HIP1: variants seen among roughly 807,000 people sequenced by gnomAD.
HIP1 encodes huntingtin-interacting protein 1.
Under a neutral mutation model 147.6 loss-of-function variants are expected in HIP1, and 65 were observed. That is an observed-to-expected ratio of 0.44 (90% CI 0.36 to 0.54). The LOEUF is 0.54. Among genes scored for constraint, HIP1 ranks in the 20% least tolerant of loss-of-function variants. The probability of loss-of-function intolerance (pLI) is 0.00; values close to 1 mark genes in which losing one functional copy is unlikely to be tolerated. For missense variants in HIP1, 1,061 were observed against 1,299.6 expected (o/e 0.82, Z 2.82); for synonymous variants, 479 against 504.0 (o/e 0.95, Z 0.67).
intron 1 of HIP1, among the ~76,000 whole-genome samples, chr7:75,646,244 T>C (rs976602165): frequency 3.3e-5 from 5 of 152,074 alleles, no homozygotes; most frequent in Non-Finnish European, 5.9e-5. Flanking sequence ...CACGCCCGGC[T>C]AATTTTGTGT....
intron 25 of HIP1, among the ~76,000 whole-genome samples, chr7:75,545,742 G>C (rs1554490883): frequency 6.6e-6 from 1 of 151,858 alleles, no homozygotes; most frequent in Admixed American, 6.6e-5. Flanking sequence ...TCAAGAGATT[G>C]AGACCATCCT....
chr7:75,733,089 C>T (rs538818407), intron 1 of HIP1, among the ~76,000 whole-genome samples: 129 of 152,298 alleles, frequency 8.5e-4, no homozygotes, highest in African/African-American at 3.0e-3. Flanking sequence ...TAAGTAAAAA[C>T]AGACTATTTT....
chr7:75,566,502 T>G (rs782565869), intron 9 of HIP1, among the ~76,000 whole-genome samples: 1 of 151,488 alleles, frequency 6.6e-6, no homozygotes, highest in Non-Finnish European at 1.5e-5. Context: ...AAAAAAGTGG[T>G]AAATTCCAGA....
intron 12 of HIP1, 27 bp downstream of exon 12, chr7:75,562,046 A>G: frequency 7.2e-7 from 1 of 1,391,004 alleles, no homozygotes; most frequent in Non-Finnish European, 1.0e-6. Context: ...CTCCTGAACC[A>G]TCTGCTTGAA....
At chr7:75,558,393 G>A (rs1584795599) in intron 14 of HIP1, 138 bp from the exon 15 acceptor site, 1 of 700,716 alleles carries the variant, frequency 1.4e-6, no homozygotes, top group East Asian at 2.6e-5. Context: ...CTGGGGTGCA[G>A]TGGCACAATC....
chr7:75,702,128 T>A (rs1800852589), intron 1 of HIP1, among the ~76,000 whole-genome samples: 1 of 151,206 alleles, frequency 6.6e-6, no homozygotes. Flanking sequence ...TTTTTTTTTT[T>A]GAGATGGAGT....
At chr7:75,595,214 T>C (rs1796654348) in intron 2 of HIP1, among the ~76,000 whole-genome samples, 1 of 83,106 alleles carries the variant, frequency 1.2e-5, no homozygotes, top group Non-Finnish European at 2.2e-5. Context: ...CTTTCTTTCT[T>C]TCTTTCTTTC....
chr7:75,673,828 A>AAAAAAAAC, intron 1 of HIP1, among the ~76,000 whole-genome samples: 1 of 150,144 alleles, frequency 6.7e-6, no homozygotes. Flanking sequence ...TACAAAAAAA[A>AAAAAAAAC]AAAAAAAATT....
At chr7:75,593,247 G>A (rs1482030602) in intron 2 of HIP1, among the ~76,000 whole-genome samples, 1 of 152,166 alleles carries the variant, frequency 6.6e-6, no homozygotes, top group Non-Finnish European at 1.5e-5. Context: ...GGGGTTACAG[G>A]CATGAACCAC....
Position 75,649,074 on chromosome 7 carries a change from G to T in HIP1, c.121-49827C>A, listed in dbSNP as rs532124214. ...AGTTTTGCTCTTGTTACCCAGGCTG[G>T]AGTGCAATGGCATGATTCCGGCTCA... On this transcript the variant is annotated intron_variant, in intron 1 of 30. Transcript: ENST00000336926. Among the ~76,000 whole-genome samples the T allele has an allele frequency of 2.3e-4, 35 of 152,140 alleles. 1 individual carries two copies. The South Asian group carries it at 6.9e-3, about 30-fold the overall frequency.
intron 1 of HIP1, among the ~76,000 whole-genome samples, chr7:75,685,660 T>C (rs1469725280): frequency 6.6e-6 from 1 of 152,230 alleles, no homozygotes; most frequent in African/African-American, 2.4e-5. Context: ...GCAATTCTCC[T>C]GCCTCAGCCT....
intron 1 of HIP1, among the ~76,000 whole-genome samples, chr7:75,671,595 G>A (rs1212399924): frequency 6.6e-6 from 1 of 152,116 alleles, no homozygotes. Flanking sequence ...TGGAATTGCT[G>A]GATCATATGG....
At chr7:75,671,313 C>T (rs1375007162) in intron 1 of HIP1, among the ~76,000 whole-genome samples, 3 of 152,086 alleles carry the variant, frequency 2.0e-5, no homozygotes, top group South Asian at 4.1e-4. Flanking sequence ...AGGCTGGTCT[C>T]AAACTCCTGA....
At chr7:75,633,157 A>G (rs34417990) in intron 1 of HIP1, among the ~76,000 whole-genome samples, 17,676 of 150,594 alleles carry the variant, frequency 0.12, 1,518 homozygotes, top group African/African-American at 0.24. Flanking sequence ...AAAGTTGAAG[A>G]AAAAAAAAAT....
chr7:75,544,577 G>A, intron 27 of HIP1, 118 bp downstream of exon 27: 2 of 709,084 alleles, frequency 2.8e-6, no homozygotes, highest in Non-Finnish European at 5.2e-6. Context: ...CATCTAACCT[G>A]GCCAAGTACT....
chr7:75,722,956 A>G lies in HIP1; in HGVS notation c.120+15845T>C, dbSNP rs1801542839. ...CACGACAAGCACCAATGAAACGACA[A>G]GTATTCCTGTAGGTCTGAAAGGGTG... On this transcript the variant is annotated intron_variant, in intron 1 of 30. Transcript: ENST00000336926. 1.3e-5 allele frequency among the ~76,000 whole-genome samples: 2 copies of G among 152,188 alleles called. 1 individual carries two copies. The highest frequency in any genetic ancestry group is 4.8e-5 in the African/African-American group (2 of 41,458).
chr7:75,730,341 A>T (rs1266205809), intron 1 of HIP1, among the ~76,000 whole-genome samples: 5 of 143,404 alleles, frequency 3.5e-5, no homozygotes, highest in African/African-American at 1.3e-4. Flanking sequence ...GTAAAATAGG[A>T]TTTTTTTTTT....
intron 1 of HIP1, among the ~76,000 whole-genome samples, chr7:75,664,367 T>C (rs1174985838): frequency 1.6e-5 from 1 of 64,294 alleles, no homozygotes; most frequent in Non-Finnish European, 2.9e-5. Flanking sequence ...CATACATATA[T>C]ACACATACAT....
intron 1 of HIP1, among the ~76,000 whole-genome samples, chr7:75,657,660 C>T (rs1799184615): frequency 1.3e-5 from 2 of 151,908 alleles, no homozygotes; most frequent in African/African-American, 4.8e-5. Context: ...AAATATTGCA[C>T]ATTCTCACTC....
Sources: allele counts gnomAD v4.1 joint callset (sites outside exome capture counted in the v4.1 genomes callset), GRCh38; gene constraint gnomAD v4.1.1; transcripts MANE v1.5; gene names NCBI Gene and HGNC (gene_info 2026-07-23, HGNC 2026-07-21).